WWOX: variants seen among roughly 807,000 people sequenced by gnomAD.
The protein encoded by WWOX is WW domain containing oxidoreductase.
Under a neutral mutation model 46.2 loss-of-function variants are expected in WWOX, and 69 were observed. That is an observed-to-expected ratio of 1.49 (90% CI 1.23 to 1.82). The LOEUF is 1.82. Among genes scored for constraint, WWOX ranks in the 40% most tolerant of loss-of-function variants. WWOX has a pLI of 0.00. For missense variants in WWOX, 919 were observed against 542.6 expected (o/e 1.69, Z -6.89); for synonymous variants, 359 against 202.6 (o/e 1.77, Z -6.56).
At chr16:78,704,879 TA>T (rs1268540426) in intron 8 of WWOX, among the ~76,000 whole-genome samples, 2 of 151,914 alleles carry the variant, frequency 1.3e-5, no homozygotes, top group Non-Finnish European at 2.9e-5. Flanking sequence ...CCAACTCTTT[TA>T]TTTTTTTTAA....
At chr16:78,309,162 A>C (rs1241656036) in intron 5 of WWOX, among the ~76,000 whole-genome samples, 1 of 152,170 alleles carries the variant, frequency 6.6e-6, no homozygotes, top group Non-Finnish European at 1.5e-5. Flanking sequence ...TAATCCCCAC[A>C]ATCCCGACAT....
rs148835875 is a variant in WWOX at position 78,223,517 on chromosome 16, T to G, written c.516+59228T>G. Among the ~76,000 whole-genome samples the G allele has an allele frequency of 1.8e-3, 276 of 152,178 alleles. 1 individual carries two copies. The highest frequency in any genetic ancestry group is 6.2e-3 in the African/African-American group (259 of 41,542). On this transcript the variant is annotated intron_variant, in intron 5 of 8. Coordinates refer to ENST00000566780, the MANE Select transcript of WWOX (RefSeq NM_016373.4). ...AGCTCCTACCAAGTGGAAGGTGGTG[T>G]AGGCAAAGAGAAGGATGCATAGGCA... is the stretch of plus-strand genomic sequence containing the variant.
chr16:78,484,234 C>G (rs1381062585), intron 8 of WWOX, among the ~76,000 whole-genome samples: 4 of 151,982 alleles, frequency 2.6e-5, no homozygotes, highest in Non-Finnish European at 5.9e-5. Context: ...TACTTTTGTA[C>G]CTTTCTCTTT....
chr16:78,895,931 A>G (rs1195325923), intron 8 of WWOX: 1 of 152,126 alleles, frequency 6.6e-6, no homozygotes, highest in Admixed American at 6.6e-5. Context: ...AAACAATCTC[A>G]TGAATTTGGT....
intron 8 of WWOX, among the ~76,000 whole-genome samples, chr16:79,125,528 C>G (rs1222953190): frequency 1.3e-5 from 2 of 152,220 alleles, no homozygotes; most frequent in African/African-American, 2.4e-5. Flanking sequence ...GACATTTCAA[C>G]TCCTACATCC....
intron 8 of WWOX, among the ~76,000 whole-genome samples, chr16:78,812,766 A>C: frequency 6.6e-6 from 1 of 152,248 alleles, no homozygotes; most frequent in East Asian, 1.9e-4. Flanking sequence ...GGCCTTGACT[A>C]ATGCAGAATC....
intron 8 of WWOX, among the ~76,000 whole-genome samples, chr16:78,876,370 C>A (rs1264233298): frequency 6.6e-6 from 1 of 151,804 alleles, no homozygotes; most frequent in African/African-American, 2.4e-5. Context: ...CTCTCCTTTC[C>A]TTTTGTGAAA....
chr16:78,894,325 C>T (rs2044655139), intron 8 of WWOX, among the ~76,000 whole-genome samples: 1 of 152,194 alleles, frequency 6.6e-6, no homozygotes, highest in Non-Finnish European at 1.5e-5. Flanking sequence ...AGACTCAAGC[C>T]TGGTTCTTTG....
intron 4 of WWOX, among the ~76,000 whole-genome samples, chr16:78,148,449 G>C (rs1474701935): frequency 6.6e-6 from 1 of 152,158 alleles, no homozygotes; most frequent in Non-Finnish European, 1.5e-5. Flanking sequence ...GGGAGCAAAA[G>C]AGCTGTGTCT....
rs551990001 is a variant in WWOX at position 78,750,062 on chromosome 16, G to C, written c.1056+317310G>C. Among the ~76,000 whole-genome samples the C allele has an allele frequency of 2.6e-5, 4 of 152,266 alleles. No individual in the cohort carries two copies. The East Asian group carries it at 7.7e-4, about 29-fold the overall frequency. On this transcript the variant is annotated intron_variant, in intron 8 of 8. Coordinates refer to ENST00000566780, the MANE Select transcript of WWOX (RefSeq NM_016373.4). The stretch of plus-strand genomic sequence containing the variant: ...GGGAAAAATAGGAGAAATAAAATAA[G>C]ACAGCATATGGAAGGCATTGCTGAA...
chr16:78,295,211 T>C (rs773401192), intron 5 of WWOX, among the ~76,000 whole-genome samples: 1 of 152,146 alleles, frequency 6.6e-6, no homozygotes, highest in Non-Finnish European at 1.5e-5. Flanking sequence ...GCAGATCAGA[T>C]GTGTTAGAGC....
chr16:78,741,452 C>T (rs897366616), intron 8 of WWOX, among the ~76,000 whole-genome samples: 3 of 152,050 alleles, frequency 2.0e-5, no homozygotes, highest in Non-Finnish European at 1.5e-5. Context: ...TACAGTTACT[C>T]GGGAGGCTGA....
chr16:79,105,440 C>A (rs980720354), intron 8 of WWOX, among the ~76,000 whole-genome samples: 4 of 152,138 alleles, frequency 2.6e-5, no homozygotes, highest in Non-Finnish European at 5.9e-5. Flanking sequence ...ATCCCTGTCC[C>A]TGTCTACACC....
chr16:78,496,202 A>C (rs1041273363), intron 8 of WWOX: 1 of 152,064 alleles, frequency 6.6e-6, no homozygotes, highest in African/African-American at 2.4e-5. Context: ...ACTCCTGACT[A>C]CTTGAAACAC....
At chr16:78,615,486 A>G (rs1033891225) in intron 8 of WWOX, among the ~76,000 whole-genome samples, 1 of 151,954 alleles carries the variant, frequency 6.6e-6, no homozygotes, top group Non-Finnish European at 1.5e-5. Context: ...CATCTCTACT[A>G]TAAATTTAAA....
intron 8 of WWOX, among the ~76,000 whole-genome samples, chr16:78,688,026 T>G (rs1200773974): frequency 5.3e-5 from 8 of 152,196 alleles, no homozygotes; most frequent in Admixed American, 4.6e-4. Context: ...CAGGAGTTAT[T>G]TAAATTAGTA....
At chr16:78,634,131 C>T (rs543307027) in intron 8 of WWOX, among the ~76,000 whole-genome samples, 1 of 152,132 alleles carries the variant, frequency 6.6e-6, no homozygotes, top group South Asian at 2.1e-4. Flanking sequence ...AGAGAGAGAC[C>T]TTTTTGTACA....
chr16:78,874,696 T>TTC (rs2151206898), intron 8 of WWOX, among the ~76,000 whole-genome samples: 1 of 145,872 alleles, frequency 6.9e-6, no homozygotes, highest in African/African-American at 2.5e-5. Context: ...TTTTTTTTTT[T>TTC]TTTTTTTTTT....
intron 4 of WWOX, among the ~76,000 whole-genome samples, chr16:78,162,966 TGTTTC>T: frequency 6.6e-6 from 1 of 152,196 alleles, no homozygotes. Context: ...ATTTTTTTAT[TGTTTC>T]TAATTCCCTG....
Sources: allele counts gnomAD v4.1 joint callset (sites outside exome capture counted in the v4.1 genomes callset), GRCh38; gene constraint gnomAD v4.1.1; transcripts MANE v1.5; gene names NCBI Gene and HGNC (gene_info 2026-07-23, HGNC 2026-07-21).